The following SPG7 variants were observed in gnomAD, a reference collection of about 807,000 sequenced individuals.
The protein encoded by SPG7 is mitochondrial inner membrane m-AAA protease component paraplegin.
SPG7 carries 103 observed loss-of-function variants against 81.9 expected under a neutral mutation model. The observed-to-expected ratio is 1.26, with a 90% CI of 1.07 to 1.48. The LOEUF (loss-of-function observed/expected upper bound fraction) is 1.48, where lower values mean the gene tolerates loss of function less well. SPG7 is among the 40% of genes most tolerant of loss of function. The probability of loss-of-function intolerance (pLI) is 0.00; values close to 1 mark genes in which losing one functional copy is unlikely to be tolerated. For synonymous variants in SPG7, 534 were observed against 444.2 expected, an observed-to-expected ratio of 1.20 and a Z score of -2.54; for missense variants, 1,241 against 1,087.3, an observed-to-expected ratio of 1.14 and a Z score of -1.99.
chr16:89,537,300 G>T lies in SPG7; in HGVS notation c.1324+4664G>T, dbSNP rs1325028987. ...GGACCCCAGAGCCCCCGGGAAGGGC[G>T]CAAGTCAAAGAGCACTGGAGGCACC... On this transcript the variant is annotated intron_variant, in intron 9 of 16. Transcript: ENST00000645818. 2.2e-5 allele frequency: 28 copies of T among 1,292,408 alleles called. No individual in the cohort carries two copies. The East Asian group carries it at 9.3e-4, about 43-fold the overall frequency. The allele number at this position is 1,292,408 out of a possible 1,614,324, so 80.1% of individuals were successfully genotyped here. A position where few individuals can be genotyped will look rare whatever the true frequency, so the allele number is the denominator to read the frequency against.
chr16:89,518,897 A>T (rs2058143534), intron 3 of SPG7: 2 of 151,900 alleles, frequency 1.3e-5, no homozygotes, highest in African/African-American at 4.8e-5. Flanking sequence ...GTGGTGGGAG[A>T]GCCTGGCTGT....
In SPG7 at chr16:89,556,888, T is replaced by C; in HGVS notation, c.2183T>C (p.Leu728Pro). ...CACTGCTATGCCTGTTCTTTCTAGC[T>C]GGCAAACGCCCTTCTGGAAAAGGAA... ...LQDNLDKLQA[L>P]ANALLEKEVI... The change falls in exon 17 of 17, where the codon CTG becomes CCG. Residue 728 changes from leucine (L) to proline (P), a missense_variant and splice_region_variant. Physicochemically the swap from Leu to Pro is moderately conservative, Grantham distance 98 (BLOSUM62 -3). Coordinates refer to ENST00000645818, the MANE Select transcript of SPG7 (RefSeq NM_003119.4). 6.2e-7 allele frequency: 1 copy of C among 1,613,024 alleles called. No homozygotes were observed. The highest frequency in any genetic ancestry group is 8.5e-7 in the Non-Finnish European group (1 of 1,179,084).
At chr16:89,509,090 T>TA (rs879417131) in intron 1 of SPG7, 25 of 403,816 alleles carry the variant, frequency 6.2e-5, no homozygotes, top group Non-Finnish European at 1.2e-4. Context: ...ACGTTATTGA[T>TA]ACAGTCATTG....
At chr16:89,552,829 G>C in intron 13 of SPG7, 150 bp from the exon 14 acceptor site, 1 of 744,142 alleles carries the variant, frequency 1.3e-6, no homozygotes, top group Non-Finnish European at 2.3e-6. Context: ...CATCTAGAGT[G>C]TTAGGATCCC....
chr16:89,510,044 G>A (rs185798550), intron 1 of SPG7, among the ~76,000 whole-genome samples: 1 of 151,826 alleles, frequency 6.6e-6, no homozygotes, highest in South Asian at 2.1e-4. Flanking sequence ...GTGCTATCTC[G>A]GCTTACTGCA....
chr16:89,540,764 T>C (rs1367406159), intron 9 of SPG7: 18 of 383,254 alleles, frequency 4.7e-5, no homozygotes, highest in Non-Finnish European at 6.1e-5. Context: ...CGTGTCCACA[T>C]GCGCTCACCA....
intron 1 of SPG7, 121 bp downstream of exon 1, chr16:89,508,721 C>A: frequency 9.6e-7 from 1 of 1,038,600 alleles, no homozygotes; most frequent in Non-Finnish European, 1.4e-6. Flanking sequence ...GCCTGTGGGC[C>A]CGCGGATCCC....
At chr16:89,520,697 C>G (rs1382284415) in intron 3 of SPG7, 2 of 143,928 alleles carry the variant, frequency 1.4e-5, no homozygotes, top group African/African-American at 5.1e-5. Flanking sequence ...GCGCCCAGCC[C>G]CAGCTACGTT....
At chr16:89,553,986 G>A in intron 15 of SPG7, 26 bp downstream of exon 15, 1 of 1,607,580 alleles carries the variant, frequency 6.2e-7, no homozygotes, top group Non-Finnish European at 8.5e-7. Context: ...CCACACCGCT[G>A]CCCTCTGTGC....
At chr16:89,526,145 T>C (rs2058256996) in intron 4 of SPG7, among the ~76,000 whole-genome samples, 184 bp from the exon 5 acceptor site, 1 of 152,114 alleles carries the variant, frequency 6.6e-6, no homozygotes, top group South Asian at 2.1e-4. Flanking sequence ...TACACCATTG[T>C]AAAATGGAAA....
intron 10 of SPG7, 65 bp from the exon 11 acceptor site, chr16:89,546,593 C>A (rs997624951): frequency 2.3e-5 from 23 of 1,004,678 alleles, no homozygotes; most frequent in Non-Finnish European, 3.2e-5. Flanking sequence ...CACAGACAAA[C>A]ATGCCGCACC....
At chr16:89,526,254 G>A (rs990426322) in intron 4 of SPG7, 75 bp from the exon 5 acceptor site, 28 of 1,559,322 alleles carry the variant, frequency 1.8e-5, no homozygotes, top group Admixed American at 5.0e-5. Flanking sequence ...AGTTCCAGGC[G>A]GGCTCTCTGT....
Position 89,510,607 on chromosome 16 carries a change from AAAG to A in SPG7, c.286+19_286+21del. 1 of 1,517,518 alleles carries A rather than the reference AAAG, an allele frequency of 6.6e-7. No individual in the cohort carries two copies. The highest frequency in any genetic ancestry group is 9.2e-7 in the Non-Finnish European group (1 of 1,092,074). 94.0% of individuals were successfully genotyped at this position (1,517,518 alleles called of 1,614,324 possible). The stretch of plus-strand genomic sequence containing the variant: ...GCAACTTTTAGGTATGTATCTGTTT[AAAG>A]AAGCAGCTGAGCATGACTGCACACT... On this transcript the variant is annotated intron_variant, in intron 2 of 16. Transcript: ENST00000645818.
intron 9 of SPG7, chr16:89,539,649 C>T (rs962703352): frequency 4.6e-5 from 7 of 152,160 alleles, no homozygotes; most frequent in African/African-American, 1.4e-4. Flanking sequence ...TCACTGCAGC[C>T]TCAGCCTCTG....
At chr16:89,513,100 C>G (rs117353695) in intron 3 of SPG7, 63 bp downstream of exon 3, 20 of 1,546,022 alleles carry the variant, frequency 1.3e-5, no homozygotes, top group Non-Finnish European at 1.6e-5. Flanking sequence ...TTTCTGTTTT[C>G]CTTTTAGCAA....
intron 12 of SPG7, chr16:89,548,554 G>C (rs1440733827): frequency 3.2e-6 from 1 of 313,164 alleles, no homozygotes; most frequent in African/African-American, 2.2e-5. Context: ...CGCAGCAGGG[G>C]CTCTGCGGAG....
chr16:89,531,727 C>T, intron 7 of SPG7, 177 bp from the exon 8 acceptor site: 2 of 663,490 alleles, frequency 3.0e-6, no homozygotes, highest in Non-Finnish European at 5.4e-6. Flanking sequence ...TGTATATTCC[C>T]AGCTACTCGA....
At chr16:89,511,946 C>G (rs145031870) in intron 2 of SPG7, among the ~76,000 whole-genome samples, 4,771 of 152,106 alleles carry the variant, frequency 0.031, 234 homozygotes, top group African/African-American at 0.11. Flanking sequence ...GAGTCTTGCT[C>G]TGTCTCCCAG....
chr16:89,508,818 G>A, intron 1 of SPG7: 1 of 691,254 alleles, frequency 1.4e-6, no homozygotes, highest in South Asian at 1.5e-5. Flanking sequence ...GCTGGGATCC[G>A]CGCAGTCCTC....
Sources: gnomAD v4.1 joint callset for allele counts (sites outside exome capture counted in the v4.1 genomes callset) on GRCh38, gnomAD v4.1.1 for gene constraint, MANE v1.5 for transcripts, NCBI Gene and HGNC (gene_info 2026-07-23, HGNC 2026-07-21) for gene names.